DMXL2: variants seen among roughly 807,000 people sequenced by gnomAD.
DMXL2 encodes the protein Dmx like 2, also known as dmX-like protein 2.
In DMXL2, 103 loss-of-function variants were observed where a neutral mutation model predicts 331.1. The observed-to-expected ratio is 0.31, with a 90% CI of 0.27 to 0.37. The LOEUF is 0.37. Among genes scored for constraint, DMXL2 ranks in the 10% least tolerant of loss-of-function variants. DMXL2 has a pLI of 1.00. For missense variants in DMXL2, 3,171 were observed against 3,642.9 expected (o/e 0.87, Z 3.33); for synonymous variants, 1,281 against 1,252.1 (o/e 1.02, Z -0.49).
In DMXL2 at chr15:51,450,182, A is replaced by G; in HGVS notation, c.8914T>C (p.Leu2972=). 6.2e-7 allele frequency: 1 copy of G among 1,614,120 alleles called. No homozygotes were observed. Among genetic ancestry groups the G allele is most frequent in the Middle Eastern group, 1.7e-4 (1 of 6,060 alleles). ...AHDSAIKALA[L]DPYEEYFTTG... is the part of the protein sequence containing the mutation. ...GTAAAATATTCCTCATAGGGATCCA[A>G]GGCCAGAGCCTTAATAGCTGAGTCA... is the stretch of plus-strand genomic sequence containing the variant. Residue 2972 remains leucine (L), a synonymous_variant, in exon 43 of 44, where the codon TTG becomes CTG. Transcript: ENST00000560891.
At position 51,458,490 on chromosome 15, in the gene DMXL2, T is replaced by G. The variant is rs766543687; in HGVS notation, c.8198+16A>C. ...TCTTACAGAAAACTATATGTAAAAG[T>G]GACTATGAGACAAACCTTTTGGATT... On this transcript the variant is annotated intron_variant, in intron 36 of 43. Coordinates refer to ENST00000560891, the MANE Select transcript of DMXL2 (RefSeq NM_001378457.1). The G allele has an allele frequency of 3.7e-6, 6 of 1,611,052 alleles. No individual in the cohort carries two copies. The South Asian group carries it at 6.6e-5, about 18-fold the overall frequency.
At chr15:51,617,687 T>C (rs368349095) in intron 1 of DMXL2, among the ~76,000 whole-genome samples, 83 of 152,354 alleles carry the variant, frequency 5.4e-4, no homozygotes, top group Middle Eastern at 3.4e-3. Context: ...TTTTCATTCG[T>C]GGTCTAAATA....
chr15:51,486,452 G>A, intron 22 of DMXL2, 115 bp from the exon 23 acceptor site: 1 of 782,932 alleles, frequency 1.3e-6, no homozygotes. Context: ...GTGGGCGAAG[G>A]GACAGTGAAG....
intron 26 of DMXL2, among the ~76,000 whole-genome samples, chr15:51,477,608 A>G (rs1276830418): frequency 2.6e-5 from 4 of 152,078 alleles, no homozygotes; most frequent in Non-Finnish European, 4.4e-5. Flanking sequence ...AATATATTTA[A>G]TATCAATTTA....
intron 18 of DMXL2, among the ~76,000 whole-genome samples, chr15:51,496,520 T>C (rs2043191846): frequency 6.6e-6 from 1 of 152,188 alleles, no homozygotes; most frequent in African/African-American, 2.4e-5. Context: ...TAGGCCACTG[T>C]AAGGCTCTTA....
chr15:51,619,065 A>C (rs917246059), intron 1 of DMXL2, among the ~76,000 whole-genome samples: 1 of 152,240 alleles, frequency 6.6e-6, no homozygotes, highest in Non-Finnish European at 1.5e-5. Flanking sequence ...TAATATTTTA[A>C]TATGTGCAGT....
chr15:51,551,625 C>T (rs1178132516), intron 6 of DMXL2, among the ~76,000 whole-genome samples: 1 of 148,634 alleles, frequency 6.7e-6, no homozygotes, highest in Non-Finnish European at 1.5e-5. Flanking sequence ...AAAATCAGTC[C>T]TCAACGTACT....
intron 18 of DMXL2, among the ~76,000 whole-genome samples, chr15:51,495,385 T>C (rs1332107814): frequency 6.6e-6 from 1 of 152,086 alleles, no homozygotes; most frequent in Admixed American, 6.6e-5. Flanking sequence ...AACAAGAACA[T>C]TTATATTGAC....
intron 9 of DMXL2, among the ~76,000 whole-genome samples, chr15:51,539,726 C>G (rs896492720): frequency 2.6e-5 from 4 of 152,064 alleles, no homozygotes; most frequent in Non-Finnish European, 5.9e-5. Flanking sequence ...GTAGGATTGC[C>G]TGAGCCGGAG....
At chr15:51,532,021 G>C (rs1483248736) in intron 13 of DMXL2, among the ~76,000 whole-genome samples, 2 of 152,084 alleles carry the variant, frequency 1.3e-5, no homozygotes. Context: ...CCACTGCTGG[G>C]CACATACCCA....
In DMXL2 at chr15:51,536,665, G is replaced by C; in HGVS notation, c.1815C>G (p.Ile605Met). 1 of 1,614,150 alleles carries C rather than the reference G, an allele frequency of 6.2e-7. No homozygotes were observed. The highest frequency in any genetic ancestry group is 8.5e-7 in the Non-Finnish European group (1 of 1,180,000). The change falls in exon 12 of 44, where the codon ATC becomes ATG. Residue 605 changes from isoleucine (I) to methionine (M), a missense_variant. By Grantham distance (10) the Ile-to-Met change is conservative. Around this residue, in one of 7 missense-constraint regions of DMXL2, gnomAD observed 1,674 missense variants for 1,780.2 expected, o/e 0.94. Transcript: ENST00000560891. The stretch of plus-strand genomic sequence containing the variant: ...AGATCATCATTACTGTGGGAGCTAA[G>C]ATGTTCATATGTGTACTGTGGGATC... Reference protein sequence around the residue: ...HSRSHSTHMNILAPTVMMISK... With the variant: ...HSRSHSTHMNMLAPTVMMISK...
intron 40 of DMXL2, 104 bp downstream of exon 40, chr15:51,455,047 T>G: frequency 1.1e-6 from 1 of 925,136 alleles, no homozygotes; most frequent in South Asian, 1.4e-5. Context: ...AAAAAAATCA[T>G]CCTTTTCCCA....
intron 15 of DMXL2, among the ~76,000 whole-genome samples, chr15:51,509,831 AG>A (rs1225200777): frequency 6.6e-6 from 1 of 152,224 alleles, no homozygotes; most frequent in Non-Finnish European, 1.5e-5. Context: ...AACCGAATCC[AG>A]CAGCACATCA....
intron 41 of DMXL2, among the ~76,000 whole-genome samples, chr15:51,452,038 C>CTAATGAAAA (rs1470928205): frequency 6.6e-6 from 1 of 152,170 alleles, no homozygotes; most frequent in Non-Finnish European, 1.5e-5. Flanking sequence ...GCATGTGTTG[C>CTAATGAAAA]TAATGAAAAC....
At chr15:51,485,165 A>G (rs904165068) in intron 23 of DMXL2, among the ~76,000 whole-genome samples, 4 of 152,180 alleles carry the variant, frequency 2.6e-5, no homozygotes, top group East Asian at 1.9e-4. Context: ...AGAAAAGGGA[A>G]AAGGTGAGGA....
At chr15:51,498,093 T>G (rs1415108123) in intron 18 of DMXL2, among the ~76,000 whole-genome samples, 1 of 152,026 alleles carries the variant, frequency 6.6e-6, no homozygotes, top group Non-Finnish European at 1.5e-5. Flanking sequence ...AGAAATTAGC[T>G]GGGCCCCATG....
rs778608653 is a variant in DMXL2, at chr15:51,499,076, C to G, written c.4148G>C (p.Arg1383Thr). 1 of 1,614,008 alleles carries G rather than the reference C, an allele frequency of 6.2e-7. No homozygotes were observed. The change falls in exon 18 of 44, where the codon AGA becomes ACA. Residue 1383 changes from arginine (R) to threonine (T), a missense_variant. Physicochemically the swap from Arg to Thr is moderately conservative, Grantham distance 71. Transcript: ENST00000560891. ...AGTTCCTTCTCCAGCATCAGGATCT[C>G]TAACTATTGCTACTTCACCTGCAAT... ...KCIAGEVAIV[R>T]DPDAGEGTKR...
chr15:51,469,191 T>TC (rs2040867796), intron 29 of DMXL2, among the ~76,000 whole-genome samples: 1 of 150,894 alleles, frequency 6.6e-6, no homozygotes, highest in Non-Finnish European at 1.5e-5. Flanking sequence ...CTATTTAAAA[T>TC]CCTTTTTTTT....
intron 6 of DMXL2, among the ~76,000 whole-genome samples, chr15:51,560,200 A>G (rs1200821777): frequency 6.6e-6 from 1 of 152,202 alleles, no homozygotes; most frequent in Non-Finnish European, 1.5e-5. Flanking sequence ...AACAAGATTC[A>G]AACTACAATT....
Sources: allele counts gnomAD v4.1 joint callset (sites outside exome capture counted in the v4.1 genomes callset), GRCh38; gene constraint gnomAD v4.1.1; regional missense constraint gnomAD v4.1.1; transcripts MANE v1.5; gene names NCBI Gene and HGNC (gene_info 2026-07-23, HGNC 2026-07-21).